Variants in YJU2B observed in about 807,000 individuals in gnomAD.
The protein encoded by YJU2B is YJU2 splicing factor homolog B, also known as probable splicing factor YJU2B.
Under a neutral mutation model 38.0 loss-of-function variants are expected in YJU2B, and 18 were observed. That is an observed-to-expected ratio of 0.47 (90% confidence interval 0.33 to 0.70). YJU2B has a LOEUF of 0.70. Among genes scored for constraint, YJU2B ranks in the 30% least tolerant of loss-of-function variants. The pLI, the probability that YJU2B is intolerant of heterozygous loss-of-function variation, is 0.02. For synonymous variants in YJU2B, 246 were observed against 225.4 expected (o/e 1.09, Z -0.82); for missense variants, 538 against 556.3 (o/e 0.97, Z 0.33).
Position 13,754,250 on chromosome 19 carries a change from C to T in YJU2B, c.4-39C>T, listed in dbSNP as rs181286141. Reference sequence around the variant, plus strand: ...GGGTAGGGACACAGCCAAACCATATCAGCCTCTCTCTGAGTCATGTCTCTG... The same window carrying T: ...GGGTAGGGACACAGCCAAACCATATTAGCCTCTCTCTGAGTCATGTCTCTG... On this transcript the variant is annotated intron_variant, in intron 2 of 9. Coordinates refer to ENST00000221554, the MANE Select transcript of YJU2B (RefSeq NM_030818.4). The T allele has an allele frequency of 2.8e-5, 44 of 1,557,280 alleles. No homozygotes were observed. The African/African-American group carries it at 3.9e-4, about 14-fold the overall frequency.
At chr19:13,736,802 C>T (rs2145080120) in intron 2 of YJU2B, among the ~76,000 whole-genome samples, 1 of 151,866 alleles carries the variant, frequency 6.6e-6, no homozygotes, top group Non-Finnish European at 1.5e-5. Context: ...GAAGCCGAGG[C>T]AGGTGGATCA....
intron 8 of YJU2B, 63 bp from the exon 9 acceptor site, chr19:13,762,236 A>T (rs201849568): frequency 6.4e-7 from 1 of 1,572,804 alleles, no homozygotes; most frequent in Non-Finnish European, 8.6e-7. Flanking sequence ...AGTGCCCCCT[A>T]GTACACAGAA....
intron 5 of YJU2B, 88 bp from the exon 6 acceptor site, chr19:13,757,694 CAAGT>C: frequency 7.5e-7 from 1 of 1,340,792 alleles, no homozygotes; most frequent in Non-Finnish European, 1.1e-6. Flanking sequence ...GAACCCTCAG[CAAGT>C]GACAGTGAGC....
chr19:13,742,412 C>T (rs1407230773), intron 2 of YJU2B, among the ~76,000 whole-genome samples: 1 of 151,064 alleles, frequency 6.6e-6, no homozygotes, highest in Non-Finnish European at 1.5e-5. Context: ...AAGCGATTCT[C>T]CTGCCTCAGC....
intron 2 of YJU2B, among the ~76,000 whole-genome samples, chr19:13,742,294 C>CTTTTTTTTTT (rs552865402): frequency 1.9e-4 from 21 of 111,982 alleles, no homozygotes; most frequent in African/African-American, 6.5e-4. Context: ...TTGAGTCCCA[C>CTTTTTTTTTT]TTTTTTTTTT....
At chr19:13,744,250 A>C (rs1170130910), upstream of YJU2B, among the ~76,000 whole-genome samples, 3 of 152,170 alleles carry the variant, frequency 2.0e-5, no homozygotes, top group African/African-American at 7.2e-5. Flanking sequence ...AAGGAAGAGA[A>C]GCTTTGTTTA....
intron 8 of YJU2B, among the ~76,000 whole-genome samples, chr19:13,759,890 C>T (rs973141477): frequency 6.6e-5 from 10 of 151,066 alleles, no homozygotes; most frequent in Non-Finnish European, 1.5e-4. Flanking sequence ...TTCTGCCTCC[C>T]GGGTTCAAGT....
intron 2 of YJU2B, among the ~76,000 whole-genome samples, chr19:13,741,650 C>T (rs499678): frequency 0.62 from 93,232 of 151,320 alleles, 29,071 homozygotes; most frequent in Middle Eastern, 0.72. Context: ...GGTGTGAGGA[C>T]GGCTTGAACC....
chr19:13,735,909 G>A (rs990971736), intron 2 of YJU2B, among the ~76,000 whole-genome samples: 4 of 151,916 alleles, frequency 2.6e-5, no homozygotes, highest in Non-Finnish European at 4.4e-5. Context: ...AAAATTAGCC[G>A]GGCGTGGTGG....
chr19:13,753,417 C>CA (rs1351327840), intron 2 of YJU2B, among the ~76,000 whole-genome samples: 4 of 151,762 alleles, frequency 2.6e-5, no homozygotes, highest in Non-Finnish European at 4.4e-5. Flanking sequence ...ACTAAAAATA[C>CA]AAAAAAATTA....
intron 2 of YJU2B, among the ~76,000 whole-genome samples, chr19:13,738,265 G>A (rs1047342914): frequency 6.6e-6 from 1 of 152,194 alleles, no homozygotes; most frequent in African/African-American, 2.4e-5. Flanking sequence ...TGGAAAAGGG[G>A]ATGAAAAGTC....
chr19:13,757,940 C>T, intron 6 of YJU2B, 94 bp downstream of exon 6: 3 of 1,078,380 alleles, frequency 2.8e-6, no homozygotes, highest in Middle Eastern at 2.7e-4. Flanking sequence ...AACCCATTCC[C>T]TGCAGGACTC....
chr19:13,762,508 C>T, intron 9 of YJU2B, 71 bp downstream of exon 9: 3 of 1,576,696 alleles, frequency 1.9e-6, no homozygotes, highest in Non-Finnish European at 2.6e-6. Context: ...GGTCCTCAGC[C>T]ATGAGTGGAC....
chr19:13,745,714 G>GATATATATATATATATATATAT (rs774614525), upstream of YJU2B, among the ~76,000 whole-genome samples: 1 of 120,992 alleles, frequency 8.3e-6, no homozygotes, highest in African/African-American at 3.3e-5. Context: ...GATATCTATA[G>GATATATATATATATATATATAT]ATCTATAGAT....
At chr19:13,742,405 C>T (rs959866823) in intron 2 of YJU2B, among the ~76,000 whole-genome samples, 2 of 150,402 alleles carry the variant, frequency 1.3e-5, no homozygotes, top group Middle Eastern at 3.4e-3. Context: ...CGGGTTCAAG[C>T]GATTCTCCTG....
intron 8 of YJU2B, among the ~76,000 whole-genome samples, chr19:13,760,809 C>T (rs898663075): frequency 6.6e-5 from 10 of 151,934 alleles, no homozygotes; most frequent in African/African-American, 1.9e-4. Flanking sequence ...TCTCGCTCGT[C>T]GCCCATGCTG....
intron 2 of YJU2B, among the ~76,000 whole-genome samples, chr19:13,741,114 T>C (rs1973080776): frequency 6.6e-6 from 1 of 152,072 alleles, no homozygotes; most frequent in South Asian, 2.1e-4. Context: ...TGTTTCTTTC[T>C]TTGTGCTGGC....
upstream of YJU2B, among the ~76,000 whole-genome samples, chr19:13,745,655 A>ATAGATAGAT (rs901413740): frequency 1.0e-5 from 1 of 97,032 alleles, no homozygotes; most frequent in Non-Finnish European, 2.0e-5. Flanking sequence ...CCATAGATAG[A>ATAGATAGAT]TAGATAGATA....
intron 2 of YJU2B, among the ~76,000 whole-genome samples, chr19:13,753,526 A>T (rs1358101341): frequency 6.9e-6 from 1 of 144,644 alleles, no homozygotes; most frequent in Non-Finnish European, 1.5e-5. Flanking sequence ...GTGAGATGAG[A>T]TCGCACCATT....
Sources: gnomAD v4.1 joint callset for allele counts (sites outside exome capture counted in the v4.1 genomes callset) on GRCh38, gnomAD v4.1.1 for gene constraint, MANE v1.5 for transcripts, NCBI Gene and HGNC (gene_info 2026-07-23, HGNC 2026-07-21) for gene names.